Variants in OGN observed in about 807,000 individuals in gnomAD.
OGN encodes mimecan.
Under a neutral mutation model 30.8 loss-of-function variants are expected in OGN, and 19 were observed. The ratio of observed to expected loss-of-function variants is 0.62; its 90% CI spans 0.43 to 0.90. The LOEUF is 0.90. Ranked by LOEUF, OGN falls within the 40% of genes least tolerant of loss-of-function variation. OGN has a pLI of 0.00. For synonymous variants in OGN, 126 were observed against 128.3 expected (o/e 0.98, Z 0.12); for missense variants, 283 against 349.7 (o/e 0.81, Z 1.52).
chr9:92,386,968 A>T (rs919873085), intron 5 of OGN, among the ~76,000 whole-genome samples: 2 of 151,430 alleles, frequency 1.3e-5, no homozygotes, highest in African/African-American at 4.9e-5. Context: ...GAATGCTGTG[A>T]ACCCAGGAGG....
chr9:92,384,952 T>C lies in OGN; in HGVS notation c.*668A>G, dbSNP rs1384855626. Reference sequence around the variant, plus strand: ...AATGTTAATATTTAGATAAAGAAAATATTTTACTGAAGACATTACCAGAAA... The same window carrying C: ...AATGTTAATATTTAGATAAAGAAAACATTTTACTGAAGACATTACCAGAAA... On this transcript the variant is annotated 3_prime_UTR_variant, in exon 7 of 7. Transcript: ENST00000375561. 6.6e-6 allele frequency: 1 copy of C among 152,554 alleles called. No homozygotes were observed. Among genetic ancestry groups the C allele is most frequent in the Non-Finnish European group, 1.5e-5 (1 of 68,008 alleles). The allele number at this position is 152,554 out of a possible 1,614,324, so 9.5% of individuals were successfully genotyped here. A position where few individuals can be genotyped will look rare whatever the true frequency, so the allele number is the denominator to read the frequency against.
chr9:92,392,853 T>C (rs549619322), intron 4 of OGN, among the ~76,000 whole-genome samples: 10 of 152,294 alleles, frequency 6.6e-5, no homozygotes, highest in Non-Finnish European at 4.4e-5. Flanking sequence ...ATATGTTAGA[T>C]GGGCTGTCAT....
At chr9:92,388,701 GTGTGCCTGTAGTCCCAGCCAC>G (rs1388364887) in intron 5 of OGN, among the ~76,000 whole-genome samples, 1 of 151,754 alleles carries the variant, frequency 6.6e-6, no homozygotes, top group Non-Finnish European at 1.5e-5. Context: ...GCGTGGTGGT[GTGTGCCTGTAGTCCCAGCCAC>G]TTGGGAGGCT....
At chr9:92,399,452 A>G (rs1425488847) in intron 3 of OGN, among the ~76,000 whole-genome samples, 1 of 152,026 alleles carries the variant, frequency 6.6e-6, no homozygotes, top group Admixed American at 6.6e-5. Context: ...TAGTTATATT[A>G]TCTGTGAGCT....
At position 92,383,770 on chromosome 9, in the gene OGN, C is replaced by T. The variant is rs1177182098; in HGVS notation, c.*1850G>A. Among the ~76,000 whole-genome samples the T allele has an allele frequency of 6.6e-6, 1 of 151,890 alleles. No individual in the cohort carries two copies. ...TACCTTTTACCAATGTTCTTTCTCC[C>T]TTATCATTATCTTATCTAAAACTAC... On this transcript the variant is annotated 3_prime_UTR_variant, in exon 7 of 7. Transcript: ENST00000375561.
At position 92,391,241 on chromosome 9, in the gene OGN, C is replaced by CA. The variant is rs770262906; in HGVS notation, c.428-1186dup. On this transcript the variant is annotated intron_variant, in intron 4 of 6. Transcript: ENST00000375561. ...GAAACCCCATCTCTACTAAAAATAC[C>CA]AAAAAAAAAAAAAAAATTAGCCAGG... Among the ~76,000 whole-genome samples the CA allele has an allele frequency of 5.8e-3, 746 of 129,246 alleles. 4 individuals carry two copies. Among genetic ancestry groups the CA allele is most frequent in the East Asian group, 0.017 (75 of 4,536 alleles). The allele number at this position is 129,246 out of a possible 152,430, so 84.8% of individuals were successfully genotyped here.
chr9:92,385,564 T>C lies in OGN; in HGVS notation c.*56A>G. 1.4e-6 allele frequency: 2 copies of C among 1,474,778 alleles called. No individual in the cohort carries two copies. The highest frequency in any genetic ancestry group is 1.4e-5 in the African/African-American group (1 of 71,950). The allele number at this position is 1,474,778 out of a possible 1,614,324, so 91.4% of individuals were successfully genotyped here. On this transcript the variant is annotated 3_prime_UTR_variant, in exon 7 of 7. Coordinates refer to ENST00000375561, the MANE Select transcript of OGN (RefSeq NM_014057.5). ...AATACTTAAGTTCCTTTACTCATTG[T>C]TGAGACAGACTATTAGTGTAGGTGT... is the stretch of plus-strand genomic sequence containing the variant.
At position 92,393,206 on chromosome 9, in the gene OGN, AG is replaced by A. The variant is rs777222129; in HGVS notation, c.306del (p.Ser103LeufsTer32). Reference protein sequence around the residue: ...PTCLLCVCLSGSVYCEEVDID... With the variant: ...PTCLLCVCLSXSVYCEEVDID... ...ATGTCAACTTCTTCACAGTATACAG[AG>A]CCACTTAAACAAACACACAGCAGAC... On this transcript the variant is annotated frameshift_variant, in exon 4 of 7. Transcript: ENST00000375561. LOFTEE classifies it high-confidence loss of function. 6.2e-7 allele frequency: 1 copy of A among 1,610,222 alleles called. No individual in the cohort carries two copies. The highest frequency in any genetic ancestry group is 2.2e-5 in the East Asian group (1 of 44,786).
intron 4 of OGN, among the ~76,000 whole-genome samples, chr9:92,390,573 T>C (rs1165447763): frequency 3.3e-5 from 5 of 150,874 alleles, no homozygotes; most frequent in African/African-American, 1.2e-4. Flanking sequence ...AGTGTGTGTG[T>C]GTGTGTGTGT....
chr9:92,400,624 A>G (rs1037413312), intron 3 of OGN, among the ~76,000 whole-genome samples: 3 of 152,232 alleles, frequency 2.0e-5, no homozygotes, highest in South Asian at 2.1e-4. Context: ...GAGTAAGCCA[A>G]GTACACAGGA....
chr9:92,387,307 T>G (rs1236078333), intron 5 of OGN, among the ~76,000 whole-genome samples: 1 of 148,592 alleles, frequency 6.7e-6, no homozygotes, highest in Non-Finnish European at 1.5e-5. Flanking sequence ...ACCCAGGGGG[T>G]GGAGGTTGCA....
intron 3 of OGN, among the ~76,000 whole-genome samples, chr9:92,399,993 TC>T (rs2130923568): frequency 6.6e-6 from 1 of 152,314 alleles, no homozygotes; most frequent in East Asian, 1.9e-4. Context: ...TACATGTTGT[TC>T]CATATGAATT....
At chr9:92,399,574 T>C (rs1843025877) in intron 3 of OGN, among the ~76,000 whole-genome samples, 1 of 152,224 alleles carries the variant, frequency 6.6e-6, no homozygotes, top group Non-Finnish European at 1.5e-5. Flanking sequence ...TATTGTTCTG[T>C]TCTATTGTTG....
chr9:92,389,960 G>A lies in OGN; in HGVS notation c.524C>T (p.Ala175Val). Residue 175 changes from alanine (A) to valine (V), a missense_variant, in exon 5 of 7, where the codon GCT becomes GTT. By Grantham distance (64) the Ala-to-Val change is moderately conservative. Transcript: ENST00000375561. ...TGGAAGTTTTAGTAGTTGATTTTCA[G>A]CAAGTGAAAGTTCTTCTAACAGAGA... is the stretch of plus-strand genomic sequence containing the variant. ...KLSLLEELSL[A>V]ENQLLKLPVL... 1 of 1,610,176 alleles carries A rather than the reference G, an allele frequency of 6.2e-7. No individual in the cohort carries two copies. Among genetic ancestry groups the A allele is most frequent in the Non-Finnish European group, 8.5e-7 (1 of 1,176,732 alleles).
At chr9:92,388,036 T>C (rs1403583434) in intron 5 of OGN, among the ~76,000 whole-genome samples, 6 of 152,080 alleles carry the variant, frequency 3.9e-5, no homozygotes, top group Non-Finnish European at 8.8e-5. Context: ...AGTGCTAGGA[T>C]TACAGGCATG....
At chr9:92,403,881 A>G in intron 1 of OGN, 1 of 189,320 alleles carries the variant, frequency 5.3e-6, no homozygotes, top group Non-Finnish European at 9.8e-6. Context: ...TATGAACAGA[A>G]ACAAGTTCCA....
intron 3 of OGN, among the ~76,000 whole-genome samples, chr9:92,394,195 A>G (rs1564296044): frequency 1.3e-5 from 2 of 151,694 alleles, no homozygotes; most frequent in African/African-American, 4.8e-5. Flanking sequence ...TCTTATTTTT[A>G]TATCAATATG....
At chr9:92,401,903 G>T (rs1000465721) in intron 2 of OGN, among the ~76,000 whole-genome samples, 1 of 152,084 alleles carries the variant, frequency 6.6e-6, no homozygotes, top group Non-Finnish European at 1.5e-5. Context: ...TTCCATTTTA[G>T]TCTCGGTCTT....
In OGN at chr9:92,383,520, A is replaced by C. The variant is rs1247982655; in HGVS notation, c.*2100T>G. ...ATTTAAAAATTTAAAGCCTCTAATTATTAGTGTCAAGAATGAAACATTATG... is the reference window on the plus strand; with the variant it reads ...ATTTAAAAATTTAAAGCCTCTAATTCTTAGTGTCAAGAATGAAACATTATG... On this transcript the variant is annotated 3_prime_UTR_variant, in exon 7 of 7. Coordinates refer to ENST00000375561, the MANE Select transcript of OGN (RefSeq NM_014057.5). Among the ~76,000 whole-genome samples, 1 of 152,120 alleles carries C rather than the reference A, an allele frequency of 6.6e-6. No individual in the cohort carries two copies. Among genetic ancestry groups the C allele is most frequent in the Non-Finnish European group, 1.5e-5 (1 of 68,018 alleles).
Sources: allele counts gnomAD v4.1 joint callset (sites outside exome capture counted in the v4.1 genomes callset), GRCh38; gene constraint gnomAD v4.1.1; transcripts MANE v1.5; gene names NCBI Gene and HGNC (gene_info 2026-07-23, HGNC 2026-07-21).